MYH15: variants seen among roughly 807,000 people sequenced by gnomAD.
MYH15 encodes myosin-15.
A neutral mutation model predicts 240.5 loss-of-function variants in MYH15; 227 were observed. The observed-to-expected ratio is 0.94, with a 90% confidence interval of 0.85 to 1.05. The LOEUF (loss-of-function observed/expected upper bound fraction) is 1.05. Among genes scored for constraint, MYH15 ranks in the 50% least tolerant of loss-of-function variants. The probability of loss-of-function intolerance (pLI) is 0.00; values close to 1 mark genes in which losing one functional copy is unlikely to be tolerated. For missense variants in MYH15, 2,217 were observed against 2,247.5 expected (o/e 0.99, Z 0.27); for synonymous variants, 785 against 796.7 (o/e 0.99, Z 0.25).
chr3:108,528,569 C>A (rs2083690852), intron 1 of MYH15, among the ~76,000 whole-genome samples: 1 of 152,106 alleles, frequency 6.6e-6, no homozygotes, highest in South Asian at 2.1e-4. Context: ...GAACATGTAT[C>A]TCAATTCAAT....
In MYH15 at chr3:108,430,936, G is replaced by GA; in HGVS notation, c.3222-15dup. The GA allele has an allele frequency of 6.6e-7, 1 of 1,509,386 alleles. No homozygotes were observed. The highest frequency in any genetic ancestry group is 9.2e-7 in the Non-Finnish European group (1 of 1,087,902). The allele number at this position is 1,509,386 out of a possible 1,614,324, so 93.5% of individuals were successfully genotyped here. On this transcript the variant is annotated splice_polypyrimidine_tract_variant and intron_variant, in intron 25 of 40. Coordinates refer to ENST00000693548, the MANE Select transcript of MYH15 (RefSeq NM_014981.3). ...TCTAATTCTTTTCTGTTTAGAAAAAGATATCAAATACAATTGTTCAGAATA... is the reference window on the plus strand; with the variant it reads ...TCTAATTCTTTTCTGTTTAGAAAAAGAATATCAAATACAATTGTTCAGAATA...
At chr3:108,493,321 GAAAGA>G in intron 7 of MYH15, 144 bp from the exon 8 acceptor site, 2 of 636,482 alleles carry the variant, frequency 3.1e-6, no homozygotes, top group South Asian at 4.2e-5. Context: ...AAAAAAGAAA[GAAAGA>G]AAAGAAAAGA....
chr3:108,510,494 G>T lies in MYH15; in HGVS notation c.37C>A (p.Leu13Ile). 6.2e-7 allele frequency: 1 copy of T among 1,613,516 alleles called. No individual in the cohort carries two copies. Among genetic ancestry groups the T allele is most frequent in the Non-Finnish European group, 8.5e-7 (1 of 1,179,698 alleles). Residue 13 changes from leucine (L) to isoleucine (I), a missense_variant, in exon 1 of 41, where the codon CTC becomes ATC. Leu to Ile is a conservative substitution (Grantham distance 5). Transcript: ENST00000693548. The part of the protein sequence containing the change: ...LSDLGEAAAF[L>I]RRSEAELLLL... Reference sequence around the variant, plus strand: ...AGCAGCTCAGCTTCACTTCTTCTGAGGAAGGCTGCGGCTTCTCCAAGGTCT... The same window carrying T: ...AGCAGCTCAGCTTCACTTCTTCTGATGAAGGCTGCGGCTTCTCCAAGGTCT...
chr3:108,480,783 A>G (rs1387676607), intron 11 of MYH15, among the ~76,000 whole-genome samples: 1 of 152,214 alleles, frequency 6.6e-6, no homozygotes, highest in East Asian at 1.9e-4. Context: ...AGCCATGCAG[A>G]GTTTAGGATA....
At chr3:108,397,391 C>T (rs2082469978) in intron 35 of MYH15, among the ~76,000 whole-genome samples, 1 of 152,232 alleles carries the variant, frequency 6.6e-6, no homozygotes, top group Non-Finnish European at 1.5e-5. Flanking sequence ...ACATGTCCTT[C>T]ATGACTCAGA....
At chr3:108,461,799 C>G (rs1437769594) in intron 16 of MYH15, 2 of 152,188 alleles carry the variant, frequency 1.3e-5, no homozygotes, top group South Asian at 2.1e-4. Flanking sequence ...AGAATTATGT[C>G]ATCATGTGCT....
chr3:108,502,121 T>C (rs1176004347), intron 2 of MYH15, among the ~76,000 whole-genome samples: 1 of 152,214 alleles, frequency 6.6e-6, no homozygotes, highest in Non-Finnish European at 1.5e-5. Flanking sequence ...TTATGGCTTC[T>C]GGCTAGCCCT....
At chr3:108,457,011 A>G in intron 18 of MYH15, 128 bp from the exon 19 acceptor site, 1 of 660,714 alleles carries the variant, frequency 1.5e-6, no homozygotes, top group Non-Finnish European at 2.7e-6. Flanking sequence ...ATGATAGGTC[A>G]TAGATGTTCA....
chr3:108,401,852 A>C (rs13062571), intron 33 of MYH15, among the ~76,000 whole-genome samples: 40,379 of 152,152 alleles, frequency 0.27, 5,713 homozygotes, highest in Non-Finnish European at 0.31. Context: ...ATACAGAGTC[A>C]AGAAATCTTT....
rs772572514 is a variant in MYH15 at position 108,437,718 on chromosome 3, A to C, written c.3076-19T>G. ...CCTCAAGCTGACAAAAGGAAACATT[A>C]TTTAGCTAAATAAATAGGTAGAGTT... On this transcript the variant is annotated intron_variant, in intron 24 of 40. Coordinates refer to ENST00000693548, the MANE Select transcript of MYH15 (RefSeq NM_014981.3). 6.2e-7 allele frequency: 1 copy of C among 1,603,524 alleles called. No individual in the cohort carries two copies. The highest frequency in any genetic ancestry group is 1.3e-5 in the African/African-American group (1 of 74,282).
At chr3:108,499,396 G>A (rs562496353) in intron 5 of MYH15, 59 bp downstream of exon 5, 1 of 1,493,886 alleles carries the variant, frequency 6.7e-7, no homozygotes, top group South Asian at 1.1e-5. Context: ...TGAAATGGAG[G>A]TATCTATTTC....
intron 27 of MYH15, 105 bp downstream of exon 27, chr3:108,428,387 A>G (rs1328165950): frequency 1.5e-6 from 2 of 1,319,736 alleles, no homozygotes; most frequent in African/African-American, 3.0e-5. Flanking sequence ...TAGAAAATAC[A>G]CTGAGTCACT....
At chr3:108,536,329 G>A in the MYH15 span, among the ~76,000 whole-genome samples, 1 of 152,098 alleles carries the variant, frequency 6.6e-6, no homozygotes, top group Non-Finnish European at 1.5e-5. Context: ...GAGGAAAAGG[G>A]GGTTGATGAC....
intron 14 of MYH15, among the ~76,000 whole-genome samples, chr3:108,467,070 C>G (rs1006299248): frequency 4.0e-5 from 6 of 151,846 alleles, no homozygotes; most frequent in African/African-American, 1.5e-4. Flanking sequence ...TACATCATAA[C>G]CCTTATCATA....
chr3:108,441,129 A>G lies in MYH15; in HGVS notation c.2787T>C (p.Thr929=). The G allele has an allele frequency of 5.0e-6, 8 of 1,614,142 alleles. No individual in the cohort carries two copies. The highest frequency in any genetic ancestry group is 6.8e-6 in the Non-Finnish European group (8 of 1,180,006). ...EEEEEINSEL[T]ARGRKLEDEC... ...CATCTTCGAGTTTCCGCCCCCTGGC[A>G]GTCAGCTCAGAATTTATCTCCTCTT... Residue 929 remains threonine (T), a synonymous_variant, in exon 23 of 41, where the codon ACT becomes ACC. Coordinates refer to ENST00000693548, the MANE Select transcript of MYH15 (RefSeq NM_014981.3).
chr3:108,514,146 G>T (rs1027847230), upstream of MYH15, among the ~76,000 whole-genome samples: 18 of 152,152 alleles, frequency 1.2e-4, no homozygotes, highest in African/African-American at 4.3e-4. Context: ...TGTTTGAACA[G>T]CTGCCAGCTG....
rs1437203372 is a variant in MYH15, at chr3:108,439,857, G to A, written c.2955C>T (p.Asn985=). ...EFLNEDISKL[N]RAAKVVQEAH... The stretch of plus-strand genomic sequence containing the variant: ...CCTCCTGCACAACCTTGGCTGCTCT[G>A]TTAAGTTTGCTGATATCCTCATTTA... The change falls in exon 24 of 41, where the codon AAC becomes AAT. Residue 985 remains asparagine, a synonymous_variant. Transcript: ENST00000693548. The A allele has an allele frequency of 6.2e-7, 1 of 1,612,016 alleles. No individual in the cohort carries two copies. Among genetic ancestry groups the A allele is most frequent in the Non-Finnish European group, 8.5e-7 (1 of 1,179,234 alleles).
chr3:108,431,648 C>T (rs545274231), intron 25 of MYH15, among the ~76,000 whole-genome samples: 1 of 152,110 alleles, frequency 6.6e-6, no homozygotes, highest in South Asian at 2.1e-4. Context: ...GAAATTGGTA[C>T]CAGTAGAGTG....
intron 2 of MYH15, among the ~76,000 whole-genome samples, chr3:108,502,138 C>A (rs1001174725): frequency 1.3e-5 from 2 of 152,166 alleles, no homozygotes; most frequent in African/African-American, 4.8e-5. Flanking sequence ...CCCTGATTCC[C>A]TCTAAGAGTA....
Sources: gnomAD v4.1 joint callset for allele counts (sites outside exome capture counted in the v4.1 genomes callset) on GRCh38, gnomAD v4.1.1 for gene constraint, MANE v1.5 for transcripts, NCBI Gene and HGNC (gene_info 2026-07-23, HGNC 2026-07-21) for gene names.